The following CCDC125 variants were observed in gnomAD, a reference collection of about 807,000 sequenced individuals.
The protein encoded by CCDC125 is coiled-coil domain-containing protein 125.
CCDC125 carries 43 observed loss-of-function variants against 57.4 expected under a neutral mutation model. That is an observed-to-expected ratio of 0.75 (90% CI 0.59 to 0.97). The LOEUF is 0.97. CCDC125 is among the 50% of genes least tolerant of loss of function. The pLI is 0.00. For missense variants in CCDC125, 563 were observed against 595.7 expected, an observed-to-expected ratio of 0.95 and a Z score of 0.57; for synonymous variants, 187 against 195.2, an observed-to-expected ratio of 0.96 and a Z score of 0.35.
intron 1 of CCDC125, among the ~76,000 whole-genome samples, chr5:69,321,599 G>A (rs1280200842): frequency 6.6e-6 from 1 of 152,156 alleles, no homozygotes; most frequent in Non-Finnish European, 1.5e-5. Context: ...ATTTGTGTAT[G>A]TAAACATACC....
intron 8 of CCDC125, 111 bp from the exon 9 acceptor site, chr5:69,295,011 G>T: frequency 2.8e-6 from 2 of 720,736 alleles, no homozygotes; most frequent in East Asian, 3.0e-5. Context: ...TCAGGCATCT[G>T]ATCCAAAAAA....
At chr5:69,279,969 G>A (rs1752386656), downstream of CCDC125, among the ~76,000 whole-genome samples, 1 of 152,148 alleles carries the variant, frequency 6.6e-6, no homozygotes, top group South Asian at 2.1e-4. Context: ...CATGGCAGCA[G>A]GAGAGACTAC....
intron 10 of CCDC125, among the ~76,000 whole-genome samples, chr5:69,288,816 AGT>A (rs1418399380): frequency 6.6e-6 from 1 of 152,194 alleles, no homozygotes; most frequent in African/African-American, 2.4e-5. Context: ...CCAGGTAGAC[AGT>A]GTGAGAATTG....
At chr5:69,303,481 C>T (rs1255542175) in intron 7 of CCDC125, among the ~76,000 whole-genome samples, 2 of 150,852 alleles carry the variant, frequency 1.3e-5, no homozygotes, top group Non-Finnish European at 2.9e-5. Flanking sequence ...TCACCTGCCT[C>T]AGCCTCCTGA....
At chr5:69,326,576 A>T (rs1760759625) in intron 1 of CCDC125, among the ~76,000 whole-genome samples, 1 of 152,174 alleles carries the variant, frequency 6.6e-6, no homozygotes, top group Non-Finnish European at 1.5e-5. Flanking sequence ...GGAATTGGTC[A>T]ATATAAGGGG....
At chr5:69,293,231 T>C (rs1754762475) in intron 9 of CCDC125, among the ~76,000 whole-genome samples, 1 of 152,194 alleles carries the variant, frequency 6.6e-6, no homozygotes, top group Admixed American at 6.5e-5. Flanking sequence ...TGTGACGTCT[T>C]AGGCTCAAGT....
At chr5:69,331,099 TTG>T (rs1761361132) in intron 1 of CCDC125, among the ~76,000 whole-genome samples, 2 of 151,974 alleles carry the variant, frequency 1.3e-5, no homozygotes, top group Non-Finnish European at 2.9e-5. Flanking sequence ...GGTCAGGAGT[TTG>T]TGACCAGCCT....
chr5:69,286,381 G>A (rs1248132611), intron 10 of CCDC125, among the ~76,000 whole-genome samples: 5 of 150,780 alleles, frequency 3.3e-5, no homozygotes, highest in East Asian at 2.0e-4. Context: ...ACAGGCGCCC[G>A]CCACCACGTC....
In CCDC125 at chr5:69,282,440, T is replaced by C. The variant is rs1407225318; in HGVS notation, c.*289A>G. On this transcript the variant is annotated 3_prime_UTR_variant, in exon 12 of 12. Coordinates refer to ENST00000396496, the MANE Select transcript of CCDC125 (RefSeq NM_176816.5). ...AGCTGGGCGTGGTGGCACATGCCTG[T>C]AATCCGAGTTACTCGGGAGGCTGAG... 1.2e-5 allele frequency: 3 copies of C among 253,830 alleles called. No homozygotes were observed. The highest frequency in any genetic ancestry group is 1.5e-5 in the Non-Finnish European group (2 of 134,748). The allele number at this position is 253,830 out of a possible 1,614,324, so 15.7% of individuals were successfully genotyped here. A position where few individuals can be genotyped will look rare whatever the true frequency, so the allele number is the denominator to read the frequency against.
At chr5:69,283,908 A>G (rs1423666719) in intron 11 of CCDC125, among the ~76,000 whole-genome samples, 2 of 151,414 alleles carry the variant, frequency 1.3e-5, no homozygotes, top group African/African-American at 4.9e-5. Context: ...CTCCTGTCTC[A>G]GCCTCCCATG....
At chr5:69,302,779 G>A (rs1287533833) in intron 7 of CCDC125, among the ~76,000 whole-genome samples, 3 of 151,306 alleles carry the variant, frequency 2.0e-5, no homozygotes, top group African/African-American at 4.9e-5. Flanking sequence ...AACTTTCATC[G>A]TAAGGTAGAC....
rs183091678 is a variant in CCDC125 at position 69,315,683 on chromosome 5, G to A, written c.305-1637C>T. 2.9e-3 allele frequency among the ~76,000 whole-genome samples: 437 copies of A among 149,112 alleles called. 2 individuals are homozygous for A. The highest frequency in any genetic ancestry group is 9.5e-3 in the African/African-American group (385 of 40,592). ...TGAGGCATGAGAATCGCTTGAACCC[G>A]GGAGTCAAAGGTTGCAGTGCACACT... On this transcript the variant is annotated intron_variant, in intron 2 of 11. Coordinates refer to ENST00000396496, the MANE Select transcript of CCDC125 (RefSeq NM_176816.5).
chr5:69,317,873 C>T (rs1759366613), intron 2 of CCDC125, among the ~76,000 whole-genome samples: 1 of 151,940 alleles, frequency 6.6e-6, no homozygotes, highest in Non-Finnish European at 1.5e-5. Context: ...CACTGCCTTA[C>T]TCTCCCCTTC....
At chr5:69,273,056 C>A in the CCDC125 span, 3 of 1,448,856 alleles carry the variant, frequency 2.1e-6, no homozygotes, top group Non-Finnish European at 1.9e-6. Context: ...TTTGGTGTAT[C>A]TTTTTTATAC....
At position 69,282,688 on chromosome 5, in the gene CCDC125, G is replaced by T; in HGVS notation, c.*41C>A. ...ACAAAATCATTTTTCAAAGTATCTC[G>T]ATATAAACAACTCTCAGTTCCAATT... On this transcript the variant is annotated 3_prime_UTR_variant, in exon 12 of 12. Coordinates refer to ENST00000396496, the MANE Select transcript of CCDC125 (RefSeq NM_176816.5). 2 of 1,460,374 alleles carry T rather than the reference G, an allele frequency of 1.4e-6. No homozygotes were observed. The highest frequency in any genetic ancestry group is 9.2e-7 in the Non-Finnish European group (1 of 1,084,666). 90.5% of individuals were successfully genotyped at this position (1,460,374 alleles called of 1,614,324 possible). A position where few individuals can be genotyped will look rare whatever the true frequency, so the allele number is the denominator to read the frequency against.
At position 69,326,295 on chromosome 5, in the gene CCDC125, T is replaced by A. The variant is rs115643787; in HGVS notation, c.-40-5715A>T. ...GAACTTAAAGTAAAAGTCTAAAATA[T>A]CTAGTTTGAGCAACATCTAACAGAT... On this transcript the variant is annotated intron_variant, in intron 1 of 11. Coordinates refer to ENST00000396496, the MANE Select transcript of CCDC125 (RefSeq NM_176816.5). Among the ~76,000 whole-genome samples the A allele has an allele frequency of 4.1e-3, 631 of 152,312 alleles. 2 individuals are homozygous for A. The highest frequency in any genetic ancestry group is 0.015 in the African/African-American group (615 of 41,584).
chr5:69,278,858 C>T (rs564175192), downstream of CCDC125, among the ~76,000 whole-genome samples: 297 of 141,248 alleles, frequency 2.1e-3, 3 homozygotes, highest in African/African-American at 7.5e-3. Flanking sequence ...ACCACCATGC[C>T]TGGTTAATTT....
chr5:69,318,286 A>G (rs1015580263), intron 2 of CCDC125, among the ~76,000 whole-genome samples: 1 of 151,526 alleles, frequency 6.6e-6, no homozygotes, highest in Non-Finnish European at 1.5e-5. Flanking sequence ...GGCCGAAAAA[A>G]TTTCTTTTAA....
At chr5:69,325,793 C>T (rs188082401) in intron 1 of CCDC125, among the ~76,000 whole-genome samples, 15 of 138,120 alleles carry the variant, frequency 1.1e-4, no homozygotes, top group African/African-American at 4.1e-4. Context: ...CACTGCACTC[C>T]AACCTGGGTG....
Sources: allele counts gnomAD v4.1 joint callset (sites outside exome capture counted in the v4.1 genomes callset), GRCh38; gene constraint gnomAD v4.1.1; transcripts MANE v1.5; gene names NCBI Gene and HGNC (gene_info 2026-07-23, HGNC 2026-07-21).